The following GNA14 variants were observed in gnomAD, a reference collection of about 807,000 sequenced individuals.
GNA14 encodes the protein G protein subunit alpha 14, also known as guanine nucleotide-binding protein subunit alpha-14.
Under a neutral mutation model 42.0 loss-of-function variants are expected in GNA14, and 50 were observed. The observed-to-expected ratio is 1.19, with a 90% CI of 0.95 to 1.51. The LOEUF (loss-of-function observed/expected upper bound fraction) is 1.51. GNA14 is among the 40% of genes most tolerant of loss of function. The pLI is 0.00. For synonymous variants in GNA14, 173 were observed against 163.1 expected (o/e 1.06, Z -0.46); for missense variants, 473 against 446.2 (o/e 1.06, Z -0.54).
At chr9:77,587,065 T>A (rs1823316943) in intron 1 of GNA14, among the ~76,000 whole-genome samples, 1 of 151,720 alleles carries the variant, frequency 6.6e-6, no homozygotes, top group Non-Finnish European at 1.5e-5. Context: ...TTACCTTCAC[T>A]ATCTGACTAA....
chr9:77,589,119 A>AT (rs1823349272), intron 1 of GNA14, among the ~76,000 whole-genome samples: 1 of 152,226 alleles, frequency 6.6e-6, no homozygotes, highest in Non-Finnish European at 1.5e-5. Context: ...CCAGGAATCT[A>AT]TTATAGCTCA....
intron 1 of GNA14, among the ~76,000 whole-genome samples, chr9:77,547,786 A>G (rs1837738000): frequency 6.6e-6 from 1 of 152,230 alleles, no homozygotes; most frequent in African/African-American, 2.4e-5. Flanking sequence ...TAATAAATAA[A>G]TAAGTATAAT....
At position 77,455,575 on chromosome 9, in the gene GNA14, A is replaced by T. The variant is rs1473163807; in HGVS notation, c.310-21053T>A. ...TCCCAGTTCTCTGGGGAGCAAAACTACCTCTTACTTTTCCCTCGGCTTATA... is the reference window on the plus strand; with the variant it reads ...TCCCAGTTCTCTGGGGAGCAAAACTTCCTCTTACTTTTCCCTCGGCTTATA... On this transcript the variant is annotated intron_variant, in intron 2 of 6. Coordinates refer to ENST00000341700, the MANE Select transcript of GNA14 (RefSeq NM_004297.4). 2.0e-5 allele frequency among the ~76,000 whole-genome samples: 3 copies of T among 152,082 alleles called. No individual in the cohort carries two copies. The East Asian group carries it at 5.8e-4, about 29-fold the overall frequency.
intron 1 of GNA14, among the ~76,000 whole-genome samples, chr9:77,639,743 C>G (rs1824230488): frequency 6.6e-6 from 1 of 152,188 alleles, no homozygotes. Context: ...TTTGCGGAGC[C>G]TCCTCTCCAA....
intron 1 of GNA14, among the ~76,000 whole-genome samples, chr9:77,625,063 T>A (rs945884797): frequency 6.6e-6 from 1 of 151,016 alleles, no homozygotes; most frequent in Non-Finnish European, 1.5e-5. Flanking sequence ...AGAACATAAA[T>A]GACCTGATGG....
chr9:77,502,492 G>C (rs1836992122), intron 2 of GNA14, among the ~76,000 whole-genome samples: 1 of 152,180 alleles, frequency 6.6e-6, no homozygotes, highest in Non-Finnish European at 1.5e-5. Context: ...TGACGGTTGG[G>C]AGATCTGGTT....
chr9:77,523,420 C>G (rs946019814), intron 2 of GNA14, among the ~76,000 whole-genome samples: 7 of 152,028 alleles, frequency 4.6e-5, no homozygotes, highest in African/African-American at 1.7e-4. Flanking sequence ...AACCAGAATT[C>G]ACGAGAACTC....
chr9:77,638,448 T>C (rs1377436856), intron 1 of GNA14, among the ~76,000 whole-genome samples: 1 of 152,200 alleles, frequency 6.6e-6, no homozygotes, highest in East Asian at 1.9e-4. Flanking sequence ...AGATGAACTT[T>C]TGAGCTGAGA....
Position 77,529,111 on chromosome 9 carries a change from C to A in GNA14, c.267G>T (p.Ala89=), listed in dbSNP as rs926264366. 3 of 1,614,206 alleles carry A rather than the reference C, an allele frequency of 1.9e-6. No homozygotes were observed. Among genetic ancestry groups the A allele is most frequent in the African/African-American group, 2.7e-5 (2 of 75,054 alleles). The change falls in exon 2 of 7, where the codon GCG becomes GCT. Residue 89 remains alanine (A), a synonymous_variant. Coordinates refer to ENST00000341700, the MANE Select transcript of GNA14 (RefSeq NM_004297.4). ...CATACTGTATCCTTAGCGTGTCCAT[C>A]GCTCTGATCATGGCTTGCATGGCGG... is the stretch of plus-strand genomic sequence containing the variant. ...IFTAMQAMIR[A]MDTLRIQYVC... is the part of the protein sequence containing the mutation.
At chr9:77,622,950 C>A (rs1823952347) in intron 1 of GNA14, among the ~76,000 whole-genome samples, 1 of 148,518 alleles carries the variant, frequency 6.7e-6, no homozygotes, top group Non-Finnish European at 1.5e-5. Flanking sequence ...ACAGGTGGCT[C>A]ATGACTGTAA....
intron 1 of GNA14, among the ~76,000 whole-genome samples, chr9:77,586,078 G>A (rs761813638): frequency 2.0e-5 from 3 of 151,944 alleles, no homozygotes; most frequent in South Asian, 2.1e-4. Flanking sequence ...TACAACAGCC[G>A]CGCTCCCCTC....
At chr9:77,608,006 C>A (rs1447702124) in intron 1 of GNA14, among the ~76,000 whole-genome samples, 1 of 152,138 alleles carries the variant, frequency 6.6e-6, no homozygotes, top group Non-Finnish European at 1.5e-5. Context: ...AATATTCTTC[C>A]TCTGGGCTCC....
At chr9:77,452,591 T>TA (rs373361537) in intron 2 of GNA14, among the ~76,000 whole-genome samples, 8 of 126,656 alleles carry the variant, frequency 6.3e-5, no homozygotes, top group South Asian at 2.7e-4. Flanking sequence ...TGTATGTGTG[T>TA]GTGTGGTGTG....
intron 1 of GNA14, among the ~76,000 whole-genome samples, chr9:77,606,815 C>T (rs1823651472): frequency 6.6e-6 from 1 of 152,126 alleles, no homozygotes; most frequent in South Asian, 2.1e-4. Context: ...ACCCATAGTG[C>T]AATGATATAA....
intron 1 of GNA14, among the ~76,000 whole-genome samples, chr9:77,557,863 TA>T (rs532738097): frequency 3.8e-4 from 58 of 152,304 alleles, no homozygotes; most frequent in Admixed American, 3.4e-3. Flanking sequence ...ACCATATTTT[TA>T]AAGAGGGAAT....
chr9:77,476,201 G>C (rs925640568), intron 2 of GNA14, among the ~76,000 whole-genome samples: 2 of 152,086 alleles, frequency 1.3e-5, no homozygotes, highest in African/African-American at 4.8e-5. Context: ...CAACTTCCTG[G>C]GGAAATGATT....
intron 1 of GNA14, among the ~76,000 whole-genome samples, chr9:77,549,045 T>C (rs1487551734): frequency 1.3e-5 from 2 of 152,128 alleles, no homozygotes; most frequent in Admixed American, 6.5e-5. Context: ...GTTCAAGCGA[T>C]TGCCTCAGCC....
Position 77,636,326 on chromosome 9 carries a change from A to G in GNA14, c.124+11344T>C, listed in dbSNP as rs149203990. On this transcript the variant is annotated intron_variant, in intron 1 of 6. Transcript: ENST00000341700. Reference sequence around the variant, plus strand: ...GATGGCTTTCAGGCAAAACAATAAAACATACATTTTACTTTTTTCTCTCAT... The same window carrying G: ...GATGGCTTTCAGGCAAAACAATAAAGCATACATTTTACTTTTTTCTCTCAT... 2.2e-3 allele frequency among the ~76,000 whole-genome samples: 329 copies of G among 152,278 alleles called. 2 individuals are homozygous for G. The highest frequency in any genetic ancestry group is 6.5e-3 in the African/African-American group (271 of 41,564).
intron 1 of GNA14, among the ~76,000 whole-genome samples, chr9:77,577,901 G>C (rs946665191): frequency 1.3e-5 from 2 of 152,066 alleles, no homozygotes; most frequent in Non-Finnish European, 2.9e-5. Context: ...GCAGTATGAA[G>C]ATACTCATCA....
Sources: allele counts gnomAD v4.1 joint callset (sites outside exome capture counted in the v4.1 genomes callset), GRCh38; gene constraint gnomAD v4.1.1; transcripts MANE v1.5; gene names NCBI Gene and HGNC (gene_info 2026-07-23, HGNC 2026-07-21).